Variants in GRIN2A observed in about 807,000 individuals in gnomAD.
The protein encoded by GRIN2A is glutamate receptor ionotropic, NMDA 2A.
GRIN2A carries 22 observed loss-of-function variants against 113.4 expected under a neutral mutation model. The observed-to-expected ratio is 0.19, with a 90% CI of 0.14 to 0.28. GRIN2A has a LOEUF of 0.28. Among genes scored for constraint, GRIN2A ranks in the 10% least tolerant of loss-of-function variants. The pLI is 1.00. For missense variants in GRIN2A, 1,502 were observed against 1,887.0 expected, an observed-to-expected ratio of 0.80 and a Z score of 3.78; for synonymous variants, 827 against 738.4, an observed-to-expected ratio of 1.12 and a Z score of -1.94.
chr16:9,845,437 T>G (rs1347532899), intron 5 of GRIN2A, among the ~76,000 whole-genome samples: 1 of 152,170 alleles, frequency 6.6e-6, no homozygotes, highest in Non-Finnish European at 1.5e-5. Context: ...CAGAGGGTAT[T>G]GTTATCATAG....
At chr16:10,066,232 G>T (rs561651270) in intron 2 of GRIN2A, among the ~76,000 whole-genome samples, 132 of 152,254 alleles carry the variant, frequency 8.7e-4, no homozygotes, top group African/African-American at 2.9e-3. Flanking sequence ...CCTCTCAGGG[G>T]CCTTTACTTC....
intron 2 of GRIN2A, among the ~76,000 whole-genome samples, chr16:9,956,333 G>T (rs1055578846): frequency 6.6e-6 from 1 of 152,056 alleles, no homozygotes; most frequent in African/African-American, 2.4e-5. Flanking sequence ...TAAAAATTCA[G>T]ATTCTCAGGG....
In GRIN2A at chr16:9,980,701, G is replaced by A. The variant is rs1211902694; in HGVS notation, c.415-42150C>T. Among the ~76,000 whole-genome samples, 3 of 151,932 alleles carry A rather than the reference G, an allele frequency of 2.0e-5. No individual in the cohort carries two copies. The East Asian group carries it at 5.8e-4, about 29-fold the overall frequency. On this transcript the variant is annotated intron_variant, in intron 2 of 12. Coordinates refer to ENST00000330684, the MANE Select transcript of GRIN2A (RefSeq NM_001134407.3). ...TGTCCTTTGTAGGGACATGGATGAAGGCTGGAAACCATCATTCTCAGCAAA... is the reference window on the plus strand; with the variant it reads ...TGTCCTTTGTAGGGACATGGATGAAAGCTGGAAACCATCATTCTCAGCAAA...
intron 5 of GRIN2A, among the ~76,000 whole-genome samples, chr16:9,843,123 G>C (rs940221894): frequency 6.6e-6 from 1 of 151,830 alleles, no homozygotes; most frequent in Non-Finnish European, 1.5e-5. Flanking sequence ...AACGAGGAAA[G>C]GAAGAAAGGA....
At chr16:9,934,678 T>TCAAAAAAAAAA (rs1555455124) in intron 3 of GRIN2A, among the ~76,000 whole-genome samples, 1 of 50,942 alleles carries the variant, frequency 2.0e-5, no homozygotes, top group African/African-American at 8.3e-5. Flanking sequence ...AGACTCTGTC[T>TCAAAAAAAAAA]AAAAAAAAAA....
At chr16:10,027,597 G>C (rs1020554875) in intron 2 of GRIN2A, 1 of 152,336 alleles carries the variant, frequency 6.6e-6, no homozygotes, top group Non-Finnish European at 1.5e-5. Flanking sequence ...GGAATATTTT[G>C]GAAACATCCT....
rs548335579 is a variant in GRIN2A, at chr16:10,178,165, G to A, written c.414+1833C>T. Among the ~76,000 whole-genome samples the A allele has an allele frequency of 6.2e-4, 94 of 152,288 alleles. 1 individual carries two copies. In the South Asian group the frequency reaches 0.018, roughly 29 times the overall value. ...AAATCCCAAAATCATACTCCAAGGCGTGGCTGGAAACTGGCTGTTCTTCTC... is the reference window on the plus strand; with the variant it reads ...AAATCCCAAAATCATACTCCAAGGCATGGCTGGAAACTGGCTGTTCTTCTC... On this transcript the variant is annotated intron_variant, in intron 2 of 12. Coordinates refer to ENST00000330684, the MANE Select transcript of GRIN2A (RefSeq NM_001134407.3).
chr16:10,179,414 C>T (rs1315410247), intron 2 of GRIN2A: 2 of 158,702 alleles, frequency 1.3e-5, no homozygotes, highest in Admixed American at 5.9e-5. Flanking sequence ...CAGGGCTTCT[C>T]AAACTCCCCA....
intron 10 of GRIN2A, among the ~76,000 whole-genome samples, chr16:9,813,855 G>A (rs1281716440): frequency 2.0e-5 from 3 of 152,156 alleles, no homozygotes; most frequent in Non-Finnish European, 4.4e-5. Context: ...CTCTGGAGAT[G>A]ACGCTACCCC....
At chr16:9,971,732 A>C (rs1183355301) in intron 2 of GRIN2A, among the ~76,000 whole-genome samples, 1 of 152,224 alleles carries the variant, frequency 6.6e-6, no homozygotes, top group African/African-American at 2.4e-5. Context: ...GAAGATAGCC[A>C]GAGTTCTGCT....
intron 10 of GRIN2A, among the ~76,000 whole-genome samples, chr16:9,801,684 G>C (rs1462200217): frequency 1.3e-5 from 2 of 152,224 alleles, no homozygotes; most frequent in Non-Finnish European, 2.9e-5. Context: ...ATGCTGAAAA[G>C]TCAGAGGCAG....
At chr16:10,114,221 A>C in intron 2 of GRIN2A, among the ~76,000 whole-genome samples, 1 of 152,152 alleles carries the variant, frequency 6.6e-6, no homozygotes, top group South Asian at 2.1e-4. Context: ...ATAAATTTTA[A>C]AAAACAAATC....
chr16:9,893,283 G>A (rs931873220), intron 3 of GRIN2A, among the ~76,000 whole-genome samples: 1 of 152,130 alleles, frequency 6.6e-6, no homozygotes, highest in African/African-American at 2.4e-5. Context: ...AGGGTTATGG[G>A]TATTTTTCAT....
Position 10,015,754 on chromosome 16 carries a change from G to A in GRIN2A, c.415-77203C>T, listed in dbSNP as rs2046597758. Among the ~76,000 whole-genome samples the A allele has an allele frequency of 2.0e-5, 3 of 152,192 alleles. No individual in the cohort carries two copies. In the South Asian group the frequency reaches 6.2e-4, roughly 32 times the overall value. ...GGTGATGGCAACTGCAGGGGACAGG[G>A]AGGTGCAACAACTCAGCCCCTGCAA... On this transcript the variant is annotated intron_variant, in intron 2 of 12. Coordinates refer to ENST00000330684, the MANE Select transcript of GRIN2A (RefSeq NM_001134407.3).
intron 2 of GRIN2A, among the ~76,000 whole-genome samples, chr16:10,057,403 C>T (rs775560761): frequency 2.0e-4 from 30 of 152,102 alleles, no homozygotes; most frequent in Admixed American, 3.3e-4. Context: ...TGTTCTGGGG[C>T]CTCCACTAGA....
chr16:10,065,468 C>A (rs946844992), intron 2 of GRIN2A, among the ~76,000 whole-genome samples: 1 of 152,218 alleles, frequency 6.6e-6, no homozygotes, highest in Non-Finnish European at 1.5e-5. Context: ...AAGGTCAGAT[C>A]TTCAGAATTC....
chr16:9,907,098 T>C (rs1046456141), intron 3 of GRIN2A, among the ~76,000 whole-genome samples: 2 of 152,142 alleles, frequency 1.3e-5, no homozygotes, highest in Admixed American at 6.6e-5. Context: ...CAGGCATGAA[T>C]CACGATGCCT....
intron 12 of GRIN2A, among the ~76,000 whole-genome samples, chr16:9,766,403 G>A (rs1339390527): frequency 2.0e-5 from 3 of 152,156 alleles, no homozygotes; most frequent in Non-Finnish European, 2.9e-5. Flanking sequence ...CAGCCTTCAA[G>A]GAACCGTAAA....
intron 2 of GRIN2A, among the ~76,000 whole-genome samples, chr16:9,970,121 A>G (rs976816039): frequency 6.6e-6 from 1 of 152,238 alleles, no homozygotes; most frequent in African/African-American, 2.4e-5. Flanking sequence ...TAATACAGAA[A>G]AAAGCAGCTC....
Sources: allele counts gnomAD v4.1 joint callset (sites outside exome capture counted in the v4.1 genomes callset), GRCh38; gene constraint gnomAD v4.1.1; transcripts MANE v1.5; gene names NCBI Gene and HGNC (gene_info 2026-07-23, HGNC 2026-07-21).